TRERF1: variants seen among roughly 807,000 people sequenced by gnomAD.
TRERF1 encodes the protein transcriptional regulating factor 1, also known as transcriptional-regulating factor 1.
A neutral mutation model predicts 122.9 loss-of-function variants in TRERF1; 27 were observed. The observed-to-expected ratio is 0.22, with a 90% confidence interval of 0.16 to 0.30. The LOEUF (loss-of-function observed/expected upper bound fraction) is 0.30. TRERF1 is among the 10% of genes least tolerant of loss of function. The pLI, the probability that TRERF1 is intolerant of heterozygous loss-of-function variation, is 1.00. For synonymous variants in TRERF1, 636 were observed against 641.7 expected, an observed-to-expected ratio of 0.99 and a Z score of 0.13; for missense variants, 1,248 against 1,560.3, an observed-to-expected ratio of 0.80 and a Z score of 3.37.
intron 3 of TRERF1, among the ~76,000 whole-genome samples, chr6:42,344,979 G>C (rs1382552759): frequency 2.0e-5 from 3 of 152,174 alleles, no homozygotes. Flanking sequence ...CTGGACACGT[G>C]GTAAGCATGT....
intron 2 of TRERF1, among the ~76,000 whole-genome samples, chr6:42,446,763 G>A (rs1787596368): frequency 6.6e-6 from 1 of 152,170 alleles, no homozygotes; most frequent in African/African-American, 2.4e-5. Context: ...AGCACTTTGG[G>A]AGGCCAAGGT....
chr6:42,388,265 G>A (rs1467120712), intron 2 of TRERF1, among the ~76,000 whole-genome samples: 1 of 150,478 alleles, frequency 6.6e-6, no homozygotes, highest in Non-Finnish European at 1.5e-5. Flanking sequence ...AGGCAGTACT[G>A]GAACAGGATG....
chr6:42,298,135 T>C (rs1469397626), intron 4 of TRERF1, among the ~76,000 whole-genome samples: 1 of 151,838 alleles, frequency 6.6e-6, no homozygotes, highest in African/African-American at 2.4e-5. Context: ...AAGATAGTTG[T>C]TGTTTTTTTT....
At position 42,271,698 on chromosome 6, in the gene TRERF1, A is replaced by G. The variant is rs976549218; in HGVS notation, c.-258-1850T>C. On this transcript the variant is annotated intron_variant, in intron 4 of 17. Coordinates refer to ENST00000372922, the Ensembl canonical transcript of TRERF1. ...TATAATTTATCCAAATTAGTAATACATTAAATGTTTTGATCAACTGTGTAC... is the reference window on the plus strand; with the variant it reads ...TATAATTTATCCAAATTAGTAATACGTTAAATGTTTTGATCAACTGTGTAC... 5.9e-5 allele frequency among the ~76,000 whole-genome samples: 9 copies of G among 152,368 alleles called. No individual in the cohort carries two copies. In the East Asian group the frequency reaches 1.5e-3, roughly 26 times the overall value.
At chr6:42,433,817 A>G (rs1020425133) in intron 2 of TRERF1, among the ~76,000 whole-genome samples, 10 of 152,144 alleles carry the variant, frequency 6.6e-5, no homozygotes, top group Non-Finnish European at 1.2e-4. Flanking sequence ...CAGGAGTTCA[A>G]GACCAGCCTG....
chr6:42,309,352 G>C (rs1787831471), intron 3 of TRERF1, among the ~76,000 whole-genome samples: 1 of 152,178 alleles, frequency 6.6e-6, no homozygotes, highest in Non-Finnish European at 1.5e-5. Flanking sequence ...GGCTCAGAGA[G>C]GCGAAGTAAA....
In TRERF1 at chr6:42,269,909, T is replaced by A; in HGVS notation, c.-258-61A>T. The A allele has an allele frequency of 2.9e-6, 1 of 342,768 alleles. No homozygotes were observed. Among genetic ancestry groups the A allele is most frequent in the Non-Finnish European group, 5.1e-6 (1 of 194,894 alleles). The allele number at this position is 342,768 out of a possible 1,614,324, so 21.2% of individuals were successfully genotyped here. ...ATTTGGATGTTTTGTGATGAGCAAT[T>A]GATATCCACCATGACCAGTGATAAA... On this transcript the variant is annotated intron_variant, in intron 4 of 17. Coordinates refer to ENST00000372922, the Ensembl canonical transcript of TRERF1. The surrounding 1 kb of genome is among the most constrained non-coding windows in gnomAD (Gnocchi z 4.9).
intron 2 of TRERF1, among the ~76,000 whole-genome samples, chr6:42,428,852 C>G (rs1349864012): frequency 1.3e-5 from 2 of 152,186 alleles, no homozygotes; most frequent in African/African-American, 4.8e-5. Flanking sequence ...CTCCCTCTCC[C>G]TCCCTTCCAC....
At chr6:42,289,264 T>C (rs1338717979) in intron 4 of TRERF1, among the ~76,000 whole-genome samples, 2 of 151,372 alleles carry the variant, frequency 1.3e-5, no homozygotes, top group East Asian at 3.9e-4. Context: ...AGGCGGAGAC[T>C]GCAGTGAGCC....
chr6:42,341,450 T>C (rs1212052139), intron 3 of TRERF1, among the ~76,000 whole-genome samples: 3 of 152,172 alleles, frequency 2.0e-5, no homozygotes, highest in Non-Finnish European at 4.4e-5. Context: ...CTGCTAAGGA[T>C]TTTCATTCTG....
chr6:42,328,000 CTTTCTT>C lies in TRERF1; in HGVS notation c.-370-27257_-370-27252del, dbSNP rs1200758609. On this transcript the variant is annotated intron_variant, in intron 3 of 17. Coordinates refer to ENST00000372922, the Ensembl canonical transcript of TRERF1. ...ACTATCCCTAATTTTCTTTTTCTTT[CTTTCTT>C]TTTTTTTTTTTTTTTTTGAGACAGG... Among the ~76,000 whole-genome samples, 727 of 109,978 alleles carry C rather than the reference CTTTCTT, an allele frequency of 6.6e-3. 3 individuals are homozygous for C. The highest frequency in any genetic ancestry group is 0.027 in the African/African-American group (655 of 24,474). 72.1% of individuals were successfully genotyped at this position (109,978 alleles called of 152,430 possible).
chr6:42,322,940 G>A (rs1440483606), intron 3 of TRERF1, among the ~76,000 whole-genome samples: 3 of 152,024 alleles, frequency 2.0e-5, no homozygotes, highest in Non-Finnish European at 4.4e-5. Flanking sequence ...ATCCACTGAG[G>A]TTGGTCTCCC....
At position 42,275,164 on chromosome 6, in the gene TRERF1, T is replaced by C. The variant is rs751863071; in HGVS notation, c.-258-5316A>G. Among the ~76,000 whole-genome samples the C allele has an allele frequency of 5.9e-5, 9 of 152,262 alleles. No individual in the cohort carries two copies. Among genetic ancestry groups the C allele is most frequent in the Non-Finnish European group, 1.0e-4 (7 of 68,048 alleles). On this transcript the variant is annotated intron_variant, in intron 4 of 17. Coordinates refer to ENST00000372922, the Ensembl canonical transcript of TRERF1. This position sits in a 1 kb window ranked among gnomAD's most constrained non-coding sequence, Gnocchi z 4.1. ...AAAACCTGAAAACTGTTCTTCTTAG[T>C]GGATTAGTCAATCTCACAGAATTCT...
At chr6:42,420,516 C>T (rs533554263) in intron 2 of TRERF1, among the ~76,000 whole-genome samples, 17 of 151,966 alleles carry the variant, frequency 1.1e-4, no homozygotes, top group African/African-American at 3.1e-4. Flanking sequence ...TGTTGCATTG[C>T]GGTATTTTAT....
chr6:42,239,332 C>T (rs898986232), intron 15 of TRERF1, among the ~76,000 whole-genome samples: 3 of 152,082 alleles, frequency 2.0e-5, no homozygotes, highest in African/African-American at 7.2e-5. Context: ...TGTCCTGAGT[C>T]GGGGAGCATG....
chr6:42,232,827 G>A lies in TRERF1; in HGVS notation c.3132C>T (p.Thr1044=), dbSNP rs759412239. The change falls in exon 17 of 18, where the codon ACC becomes ACT. Residue 1044 remains threonine, a synonymous_variant. Transcript: ENST00000372922. The surrounding 1 kb of genome is among the most constrained non-coding windows in gnomAD (Gnocchi z 4.5). ...CAGAGGGGATGGCACCTCGGGCCTT[G>A]GTCACCTGGTTGGTGCCCCCGTGGA... 1.9e-6 allele frequency: 3 copies of A among 1,612,334 alleles called. No homozygotes were observed. The highest frequency in any genetic ancestry group is 2.5e-6 in the Non-Finnish European group (3 of 1,179,250).
At chr6:42,279,469 A>C (rs138783380) in intron 4 of TRERF1, among the ~76,000 whole-genome samples, 9 of 152,332 alleles carry the variant, frequency 5.9e-5, no homozygotes, top group African/African-American at 2.2e-4. Context: ...GAATAAAGAT[A>C]GAGGGGAAGT....
chr6:42,253,540 C>T (rs1776207450), intron 13 of TRERF1, among the ~76,000 whole-genome samples: 1 of 152,138 alleles, frequency 6.6e-6, no homozygotes, highest in Non-Finnish European at 1.5e-5. Flanking sequence ...GGACAGACAC[C>T]AAGCAGGAAA....
At chr6:42,400,119 C>T (rs1779176680) in intron 2 of TRERF1, among the ~76,000 whole-genome samples, 2 of 152,228 alleles carry the variant, frequency 1.3e-5, no homozygotes. Context: ...TCACTGGATC[C>T]AGTCGTCTCC....
Sources: allele counts gnomAD v4.1 joint callset (sites outside exome capture counted in the v4.1 genomes callset), GRCh38; gene constraint gnomAD v4.1.1; non-coding constraint Gnocchi (gnomAD v3.1); transcripts MANE v1.5; gene names NCBI Gene and HGNC (gene_info 2026-07-23, HGNC 2026-07-21).